GPM6A: variants seen among roughly 807,000 people sequenced by gnomAD.
The protein encoded by GPM6A is glycoprotein M6A.
GPM6A carries 7 observed loss-of-function variants against 32.1 expected under a neutral mutation model. The ratio of observed to expected loss-of-function variants is 0.22; its 90% CI spans 0.12 to 0.41. GPM6A has a LOEUF of 0.41. Ranked by LOEUF, GPM6A falls within the 10% of genes least tolerant of loss-of-function variation. The pLI, the probability that GPM6A is intolerant of heterozygous loss-of-function variation, is 1.00. For synonymous variants in GPM6A, 130 were observed against 123.4 expected (o/e 1.05, Z -0.35); for missense variants, 235 against 347.2 (o/e 0.68, Z 2.57).
At chr4:176,000,379 A>T (rs1202465818) in intron 1 of GPM6A, among the ~76,000 whole-genome samples, 1 of 152,240 alleles carries the variant, frequency 6.6e-6, no homozygotes, top group Non-Finnish European at 1.5e-5. Context: ...TGTTAACTCC[A>T]CACCATCCCC....
chr4:175,934,684 A>G (rs1296451912), intron 1 of GPM6A, among the ~76,000 whole-genome samples: 1 of 152,236 alleles, frequency 6.6e-6, no homozygotes, highest in Admixed American at 6.5e-5. Flanking sequence ...TTAACTTTCT[A>G]TAAATGCTTT....
In GPM6A at chr4:175,933,564, T is replaced by C. The variant is rs1341960437; in HGVS notation, c.-23+68745A>G. ...TTACACGTAATGTTCTTAGAAGTTC[T>C]TAGAAGTTTTTGTTTGTTTGTTTGT... On this transcript the variant is annotated intron_variant, in intron 1 of 7. Coordinates refer to the GPM6A transcript ENST00000280187. Among the ~76,000 whole-genome samples, 3 of 105,098 alleles carry C rather than the reference T, an allele frequency of 2.9e-5. No individual in the cohort carries two copies. The East Asian group carries it at 9.1e-4, about 32-fold the overall frequency. The allele number at this position is 105,098 out of a possible 152,430, so 68.9% of individuals were successfully genotyped here. A position where few individuals can be genotyped will look rare whatever the true frequency, so the allele number is the denominator to read the frequency against.
At chr4:175,937,109 G>A (rs1489469613) in intron 1 of GPM6A, among the ~76,000 whole-genome samples, 1 of 152,062 alleles carries the variant, frequency 6.6e-6, no homozygotes, top group Non-Finnish European at 1.5e-5. Context: ...AATTAAAAAT[G>A]GGAGTAGTTT....
At chr4:175,755,566 CTCATTTTCCTTAAT>C (rs1384809693) in intron 1 of GPM6A, among the ~76,000 whole-genome samples, 2 of 152,102 alleles carry the variant, frequency 1.3e-5, no homozygotes, top group Non-Finnish European at 2.9e-5. Flanking sequence ...GAAAAACTAA[CTCATTTTCCTTAAT>C]GTAAAACTTC....
intron 1 of GPM6A, among the ~76,000 whole-genome samples, chr4:175,843,811 A>G (rs1388564381): frequency 6.6e-6 from 1 of 152,184 alleles, no homozygotes; most frequent in Non-Finnish European, 1.5e-5. Context: ...TACAGTCATG[A>G]CTAATGACGA....
chr4:175,812,493 G>T (rs1252442068), upstream of GPM6A: 38 of 1,200,260 alleles, frequency 3.2e-5, no homozygotes, highest in Non-Finnish European at 3.8e-5. Flanking sequence ...TCTCAAAGCT[G>T]CCCATTGTGT....
chr4:175,888,445 A>G (rs1399827934), intron 1 of GPM6A, among the ~76,000 whole-genome samples: 1 of 152,056 alleles, frequency 6.6e-6, no homozygotes, highest in Non-Finnish European at 1.5e-5. Context: ...TTAAATATAC[A>G]AGAACTAGAA....
intron 1 of GPM6A, among the ~76,000 whole-genome samples, chr4:175,846,234 T>G (rs1298917653): frequency 6.6e-6 from 1 of 152,168 alleles, no homozygotes; most frequent in Non-Finnish European, 1.5e-5. Flanking sequence ...GATAATCTGA[T>G]AAAAGCTTTA....
chr4:175,801,275 A>G (rs1734460646), intron 1 of GPM6A, among the ~76,000 whole-genome samples: 1 of 152,130 alleles, frequency 6.6e-6, no homozygotes, highest in Non-Finnish European at 1.5e-5. Flanking sequence ...TATTTTGTAC[A>G]TTGAAATCAG....
chr4:175,680,359 T>G (rs1017032551), intron 2 of GPM6A, among the ~76,000 whole-genome samples: 4 of 152,184 alleles, frequency 2.6e-5, no homozygotes, highest in Admixed American at 2.6e-4. Context: ...TTGGTTTAAT[T>G]CCATAATAAA....
chr4:175,919,196 T>C (rs1252225059), intron 1 of GPM6A, among the ~76,000 whole-genome samples: 1 of 152,174 alleles, frequency 6.6e-6, no homozygotes, highest in Non-Finnish European at 1.5e-5. Context: ...TTTTTCTTTT[T>C]TTTCCCCTTC....
At chr4:175,708,734 A>G (rs1745357415) in intron 1 of GPM6A, among the ~76,000 whole-genome samples, 3 of 152,222 alleles carry the variant, frequency 2.0e-5, no homozygotes, top group Admixed American at 2.0e-4. Context: ...GATAGAGACA[A>G]AGGAACACAG....
At chr4:175,948,102 A>G (rs1739670169) in intron 1 of GPM6A, among the ~76,000 whole-genome samples, 1 of 152,186 alleles carries the variant, frequency 6.6e-6, no homozygotes. Flanking sequence ...ACACCTGAAG[A>G]TAATACTTGC....
intron 1 of GPM6A, among the ~76,000 whole-genome samples, chr4:175,966,603 G>T (rs1210361343): frequency 6.6e-6 from 1 of 151,750 alleles, no homozygotes; most frequent in East Asian, 1.9e-4. Context: ...CTCTCTTTCT[G>T]CAATGTGAGG....
At chr4:175,892,115 C>T (rs1020676242) in intron 1 of GPM6A, among the ~76,000 whole-genome samples, 9 of 152,120 alleles carry the variant, frequency 5.9e-5, no homozygotes, top group Non-Finnish European at 1.0e-4. Flanking sequence ...GTAACTAAAG[C>T]GAACTACAAT....
chr4:175,970,901 G>A (rs1393646280), intron 1 of GPM6A: 2 of 446,404 alleles, frequency 4.5e-6, no homozygotes, highest in Non-Finnish European at 8.9e-6. Context: ...GATACCGACA[G>A]ACCCTTTTTT....
At chr4:175,899,110 C>G (rs1737878365) in intron 1 of GPM6A, among the ~76,000 whole-genome samples, 1 of 152,240 alleles carries the variant, frequency 6.6e-6, no homozygotes, top group East Asian at 1.9e-4. Flanking sequence ...TCCACACCCA[C>G]AGACGAATTA....
At chr4:175,835,552 G>A (rs1481037636) in intron 1 of GPM6A, among the ~76,000 whole-genome samples, 2 of 150,630 alleles carry the variant, frequency 1.3e-5, no homozygotes, top group East Asian at 3.9e-4. Flanking sequence ...CTGCCAAGAA[G>A]CGCCAATATT....
At chr4:175,815,718 C>CTTT (rs60711329), upstream of GPM6A, among the ~76,000 whole-genome samples, 15,671 of 127,034 alleles carry the variant, frequency 0.12, 1,586 homozygotes, top group African/African-American at 0.24. Flanking sequence ...TTTTTCTTTT[C>CTTT]TTTTTTTTTT....
Sources: allele counts gnomAD v4.1 joint callset (sites outside exome capture counted in the v4.1 genomes callset), GRCh38; gene constraint gnomAD v4.1.1; transcripts MANE v1.5; gene names NCBI Gene and HGNC (gene_info 2026-07-23, HGNC 2026-07-21).